Variants in TRIM2 observed in about 807,000 individuals in gnomAD.
TRIM2 encodes tripartite motif-containing protein 2.
A neutral mutation model predicts 75.2 loss-of-function variants in TRIM2; 20 were observed. The observed-to-expected ratio is 0.27, with a 90% CI of 0.19 to 0.39. TRIM2 has a LOEUF of 0.39. Ranked by LOEUF, TRIM2 falls within the 10% of genes least tolerant of loss-of-function variation. The probability of loss-of-function intolerance (pLI) is 1.00; values close to 1 mark genes in which losing one functional copy is unlikely to be tolerated. For synonymous variants in TRIM2, 373 were observed against 388.3 expected, an observed-to-expected ratio of 0.96 and a Z score of 0.46; for missense variants, 660 against 990.8, an observed-to-expected ratio of 0.67 and a Z score of 4.48.
At chr4:153,249,617 C>G (rs1434082440) in intron 1 of TRIM2, among the ~76,000 whole-genome samples, 1 of 151,504 alleles carries the variant, frequency 6.6e-6, no homozygotes, top group African/African-American at 2.4e-5. Flanking sequence ...TCGGCCACCT[C>G]CCTGCTCCCG....
intron 1 of TRIM2, among the ~76,000 whole-genome samples, chr4:153,173,831 G>T (rs974124596): frequency 2.0e-5 from 3 of 151,672 alleles, no homozygotes; most frequent in Admixed American, 6.6e-5. Flanking sequence ...GCCGGGTGTG[G>T]TGGCACACGC....
chr4:153,239,832 C>CTTTTTTTTTTTTTTTTTTTTTTTT (rs142457664), intron 1 of TRIM2, among the ~76,000 whole-genome samples: 1 of 139,448 alleles, frequency 7.2e-6, no homozygotes. Flanking sequence ...AACTTTCTTT[C>CTTTTTTTTTTTTTTTTTTTTTTTT]TCTTTTTTTT....
At chr4:153,332,603 C>T (rs1445006132) in intron 11 of TRIM2, among the ~76,000 whole-genome samples, 2 of 151,814 alleles carry the variant, frequency 1.3e-5, no homozygotes, top group African/African-American at 2.4e-5. Flanking sequence ...CATGATCACA[C>T]CATTGCACTC....
intron 8 of TRIM2, among the ~76,000 whole-genome samples, chr4:153,316,943 C>T (rs557390548): frequency 3.3e-5 from 4 of 120,940 alleles, no homozygotes; most frequent in Middle Eastern, 6.2e-3. Flanking sequence ...TGCAGTGGCG[C>T]GATCTCAGCT....
intron 1 of TRIM2, among the ~76,000 whole-genome samples, chr4:153,212,231 T>C (rs1321397588): frequency 6.6e-6 from 1 of 152,210 alleles, no homozygotes; most frequent in Non-Finnish European, 1.5e-5. Flanking sequence ...ATCATGCCTT[T>C]GGCAGCAGCA....
Position 153,314,419 on chromosome 4 carries a change from C to CAAAAAA in TRIM2, c.1511-1047_1511-1042dup, listed in dbSNP as rs58410286. Among the ~76,000 whole-genome samples the CAAAAAA allele has an allele frequency of 2.5e-4, 15 of 58,890 alleles. No individual in the cohort carries two copies. The South Asian group carries it at 2.8e-3, about 11-fold the overall frequency. 38.6% of individuals were successfully genotyped at this position (58,890 alleles called of 152,430 possible). On this transcript the variant is annotated intron_variant, in intron 6 of 11. Transcript: ENST00000338700. Reference sequence around the variant, plus strand: ...TGGGCGACAGAGCGAGACTCCGTCTCAAAAAAAAAAAAAAAAAAAAAAAAG... The same window carrying CAAAAAA: ...TGGGCGACAGAGCGAGACTCCGTCTCAAAAAAAAAAAAAAAAAAAAAAAAAAAAAAG...
rs116051396 is a variant in TRIM2, at chr4:153,324,390, T to G, written c.2022+242T>G. On this transcript the variant is annotated intron_variant, in intron 10 of 11. Transcript: ENST00000338700. ...GAAACTGGTGCAAATGAAGAGGACT[T>G]GAAAATTAAATTTTAAAAAGCAATT... 2,077 of 276,070 alleles carry G rather than the reference T, an allele frequency of 7.5e-3. 38 individuals are homozygous for G. The highest frequency in any genetic ancestry group is 0.043 in the African/African-American group (1,940 of 44,804). The allele number at this position is 276,070 out of a possible 1,614,324, so 17.1% of individuals were successfully genotyped here.
chr4:153,303,145 A>C (rs1347734694), intron 6 of TRIM2, among the ~76,000 whole-genome samples: 1 of 152,182 alleles, frequency 6.6e-6, no homozygotes, highest in Non-Finnish European at 1.5e-5. Flanking sequence ...ACTACAAATC[A>C]GTAGAGTTTA....
chr4:153,170,784 C>T (rs1422336478), intron 1 of TRIM2, among the ~76,000 whole-genome samples: 1 of 152,154 alleles, frequency 6.6e-6, no homozygotes, highest in African/African-American at 2.4e-5. Context: ...TCAAGCCCTT[C>T]ACCCTGTTGA....
chr4:153,336,631 T>G lies in TRIM2; in HGVS notation c.*1665T>G. The G allele has an allele frequency of 1.0e-6, 1 of 985,818 alleles. No individual in the cohort carries two copies. The highest frequency in any genetic ancestry group is 1.1e-4 in the East Asian group (1 of 8,818). The allele number at this position is 985,818 out of a possible 1,614,324, so 61.1% of individuals were successfully genotyped here. ...CTGAAAGCACCTTAGAACTGTACTA[T>G]AAGAAAACATTTCCCCTATGTATAA... is the stretch of plus-strand genomic sequence containing the variant. On this transcript the variant is annotated 3_prime_UTR_variant, in exon 12 of 12. Transcript: ENST00000338700.
intron 1 of TRIM2, among the ~76,000 whole-genome samples, chr4:153,165,058 G>A (rs978982580): frequency 9.2e-5 from 14 of 151,974 alleles, no homozygotes; most frequent in African/African-American, 2.7e-4. Flanking sequence ...AAACGTTCCC[G>A]ACACTTTATG....
At chr4:153,182,502 A>G (rs1472079157) in intron 1 of TRIM2, among the ~76,000 whole-genome samples, 1 of 152,158 alleles carries the variant, frequency 6.6e-6, no homozygotes, top group Non-Finnish European at 1.5e-5. Context: ...TCATTTGTAA[A>G]TAGTACACAC....
chr4:153,327,706 C>G (rs576321880), intron 10 of TRIM2, among the ~76,000 whole-genome samples: 2 of 152,210 alleles, frequency 1.3e-5, no homozygotes, highest in South Asian at 4.2e-4. Flanking sequence ...TATTTAGTAG[C>G]ACTCTATTAA....
chr4:153,315,180 T>C (rs1381362793), intron 6 of TRIM2, among the ~76,000 whole-genome samples: 1 of 152,242 alleles, frequency 6.6e-6, no homozygotes, highest in Non-Finnish European at 1.5e-5. Context: ...CAGGCCGTAT[T>C]AGTTTTTATT....
intron 1 of TRIM2, among the ~76,000 whole-genome samples, chr4:153,163,749 G>A (rs947758804): frequency 4.0e-4 from 61 of 151,518 alleles, no homozygotes; most frequent in African/African-American, 1.1e-3. Context: ...TGATCTGCCC[G>A]CCTCGGCCTC....
rs112668688 is a variant in TRIM2 at position 153,211,488 on chromosome 4, C to CTT, written c.30+6944_30+6945dup. Among the ~76,000 whole-genome samples the CTT allele has an allele frequency of 4.8e-3, 648 of 135,012 alleles. 13 individuals are homozygous for CTT. Among genetic ancestry groups the CTT allele is most frequent in the African/African-American group, 0.015 (521 of 34,864 alleles). 88.6% of individuals were successfully genotyped at this position (135,012 alleles called of 152,430 possible). The stretch of plus-strand genomic sequence containing the variant: ...GCTTGCTTTTTTGTTTTTTCTTTTT[C>CTT]TTTTTTTTTTTTTTTTTGAGACAGG... On this transcript the variant is annotated intron_variant, in intron 1 of 11. Transcript: ENST00000338700.
At chr4:153,273,338 C>G (rs1331055666) in intron 2 of TRIM2, among the ~76,000 whole-genome samples, 1 of 138,464 alleles carries the variant, frequency 7.2e-6, no homozygotes, top group Non-Finnish European at 1.5e-5. Context: ...TGCCGTGGCG[C>G]GATCTCGGCT....
intron 1 of TRIM2, among the ~76,000 whole-genome samples, chr4:153,263,436 G>T (rs1479477248): frequency 6.6e-6 from 1 of 152,210 alleles, no homozygotes; most frequent in Admixed American, 6.5e-5. Flanking sequence ...ATGGAATTCA[G>T]CAAGTGCTGC....
At chr4:153,241,092 CAAAA>C (rs1288871052) in intron 1 of TRIM2, among the ~76,000 whole-genome samples, 3 of 152,034 alleles carry the variant, frequency 2.0e-5, no homozygotes, top group Non-Finnish European at 2.9e-5. Context: ...AACAAACAAA[CAAAA>C]AAACCTTTTC....
Sources: gnomAD v4.1 joint callset for allele counts (sites outside exome capture counted in the v4.1 genomes callset) on GRCh38, gnomAD v4.1.1 for gene constraint, MANE v1.5 for transcripts, NCBI Gene and HGNC (gene_info 2026-07-23, HGNC 2026-07-21) for gene names.